Variants in MEF2A observed in about 807,000 individuals in gnomAD.
MEF2A encodes the protein myocyte enhancer factor 2A.
A neutral mutation model predicts 55.8 loss-of-function variants in MEF2A; 28 were observed. The ratio of observed to expected loss-of-function variants is 0.50; its 90% CI spans 0.37 to 0.69. The LOEUF (loss-of-function observed/expected upper bound fraction) is 0.69. Ranked by LOEUF, MEF2A falls within the 30% of genes least tolerant of loss-of-function variation. The pLI is 0.00. For synonymous variants in MEF2A, 239 were observed against 227.1 expected (o/e 1.05, Z -0.47); for missense variants, 528 against 626.2 (o/e 0.84, Z 1.67).
chr15:99,649,600 G>A (rs1233134115), intron 4 of MEF2A, among the ~76,000 whole-genome samples: 3 of 151,920 alleles, frequency 2.0e-5, no homozygotes, highest in Non-Finnish European at 4.4e-5. Flanking sequence ...TAACTCCTTA[G>A]TTTTTCTTTT....
intron 8 of MEF2A, among the ~76,000 whole-genome samples, chr15:99,692,584 A>G (rs2055694303): frequency 6.6e-6 from 1 of 152,126 alleles, no homozygotes; most frequent in South Asian, 2.1e-4. Context: ...GTGTACACTG[A>G]CAGAACTGTG....
At chr15:99,674,289 CTACTT>C (rs2051465884) in intron 5 of MEF2A, 99 bp from the exon 6 acceptor site, 1 of 1,010,916 alleles carries the variant, frequency 9.9e-7, no homozygotes. Flanking sequence ...TCCCTATCCT[CTACTT>C]TTAGTAACTT....
rs565644942 is a variant in MEF2A, at chr15:99,613,331, C to A, written c.-143+14820C>A. ...TAAATTGAGAACCACTGCATTAGAT[C>A]AGTGAGTTTTATTGATCCATTTATT... On this transcript the variant is annotated intron_variant, in intron 2 of 11. Coordinates refer to ENST00000557942, the MANE Select transcript of MEF2A (RefSeq NM_001319206.4). Among the ~76,000 whole-genome samples, 3 of 152,236 alleles carry A rather than the reference C, an allele frequency of 2.0e-5. No homozygotes were observed. In the South Asian group the frequency reaches 6.2e-4, roughly 32 times the overall value.
chr15:99,634,097 AGTTTCAAGAACAAGTG>A (rs1410399430), intron 3 of MEF2A, among the ~76,000 whole-genome samples: 1 of 152,218 alleles, frequency 6.6e-6, no homozygotes, highest in Non-Finnish European at 1.5e-5. Flanking sequence ...TATCAGGAGA[AGTTTCAAGAACAAGTG>A]GTTTCAGAAA....
At chr15:99,711,991 ATGT>A (rs1422957851) in intron 11 of MEF2A, among the ~76,000 whole-genome samples, 1 of 152,150 alleles carries the variant, frequency 6.6e-6, no homozygotes, top group African/African-American at 2.4e-5. Flanking sequence ...AGGATGAGCG[ATGT>A]TGTGCCCTGT....
At chr15:99,660,701 TATACTA>T (rs1473780939) in intron 4 of MEF2A, among the ~76,000 whole-genome samples, 13 of 152,336 alleles carry the variant, frequency 8.5e-5, no homozygotes, top group East Asian at 3.9e-4. Context: ...TAGCATTACT[TATACTA>T]ATACAGAGAT....
chr15:99,673,064 C>T (rs529117933), intron 5 of MEF2A, among the ~76,000 whole-genome samples: 6 of 152,262 alleles, frequency 3.9e-5, no homozygotes, highest in African/African-American at 7.2e-5. Flanking sequence ...CAGACTGGAA[C>T]GGTCCTTTTC....
intron 1 of MEF2A, among the ~76,000 whole-genome samples, chr15:99,577,764 T>C (rs1285895423): frequency 6.6e-6 from 1 of 152,228 alleles, no homozygotes; most frequent in South Asian, 2.1e-4. Flanking sequence ...AAATCTGTGA[T>C]ATTAACTCAT....
At chr15:99,603,050 T>A (rs1297799308) in intron 2 of MEF2A, among the ~76,000 whole-genome samples, 1 of 152,174 alleles carries the variant, frequency 6.6e-6, no homozygotes, top group Non-Finnish European at 1.5e-5. Context: ...TATTCCCTCT[T>A]TCGTTGCTGA....
chr15:99,689,868 T>G (rs2055036981), intron 7 of MEF2A, among the ~76,000 whole-genome samples: 1 of 152,234 alleles, frequency 6.6e-6, no homozygotes, highest in African/African-American at 2.4e-5. Flanking sequence ...TATATGTATT[T>G]CAGACTTTGC....
intron 2 of MEF2A, among the ~76,000 whole-genome samples, chr15:99,618,576 T>A (rs537432259): frequency 6.6e-6 from 1 of 152,318 alleles, no homozygotes; most frequent in Admixed American, 6.5e-5. Flanking sequence ...TTAGGAAATT[T>A]CGACTTTAAA....
At chr15:99,700,333 G>A (rs1406835495) in intron 8 of MEF2A, among the ~76,000 whole-genome samples, 18 of 149,374 alleles carry the variant, frequency 1.2e-4, no homozygotes, top group Non-Finnish European at 2.1e-4. Context: ...CCAACATGGC[G>A]AAACCCCGTC....
chr15:99,645,234 T>G (rs946854584), intron 3 of MEF2A, among the ~76,000 whole-genome samples: 4 of 152,172 alleles, frequency 2.6e-5, no homozygotes, highest in Non-Finnish European at 5.9e-5. Flanking sequence ...GATTTGGGGT[T>G]TCTGATGGTA....
At chr15:99,677,384 G>A (rs1378591642) in intron 7 of MEF2A, among the ~76,000 whole-genome samples, 1 of 151,872 alleles carries the variant, frequency 6.6e-6, no homozygotes, top group African/African-American at 2.4e-5. Context: ...GCAGAGAACT[G>A]AAATTTATTT....
intron 8 of MEF2A, among the ~76,000 whole-genome samples, chr15:99,699,978 GTGTGTGTA>G (rs1352559272): frequency 1.5e-4 from 15 of 99,476 alleles, no homozygotes; most frequent in South Asian, 5.0e-4. Flanking sequence ...GTGTGTGTGT[GTGTGTGTA>G]TATATATATA....
chr15:99,603,347 C>A (rs1334587285), intron 2 of MEF2A, among the ~76,000 whole-genome samples: 4 of 151,284 alleles, frequency 2.6e-5, no homozygotes, highest in African/African-American at 9.7e-5. Flanking sequence ...TTATAAGACA[C>A]AGTTGTGGTG....
chr15:99,643,656 A>T (rs1464186954), intron 3 of MEF2A, among the ~76,000 whole-genome samples: 1 of 147,542 alleles, frequency 6.8e-6, no homozygotes, highest in Non-Finnish European at 1.5e-5. Context: ...CAGTGGTGCG[A>T]TCTCGGCTCA....
At chr15:99,625,451 T>C (rs1249061634) in intron 2 of MEF2A, among the ~76,000 whole-genome samples, 2 of 152,116 alleles carry the variant, frequency 1.3e-5, no homozygotes, top group Non-Finnish European at 2.9e-5. Context: ...TTTTTTCTAA[T>C]TTGGATGCCT....
intron 4 of MEF2A, among the ~76,000 whole-genome samples, chr15:99,661,434 T>C (rs536256384): frequency 3.7e-4 from 56 of 151,122 alleles, no homozygotes; most frequent in Non-Finnish European, 6.9e-4. Context: ...TTTTTAATGC[T>C]ACATAATGGG....
Sources: gnomAD v4.1 joint callset for allele counts (sites outside exome capture counted in the v4.1 genomes callset) on GRCh38, gnomAD v4.1.1 for gene constraint, MANE v1.5 for transcripts, NCBI Gene and HGNC (gene_info 2026-07-23, HGNC 2026-07-21) for gene names.